TMPO: variants seen among roughly 807,000 people sequenced by gnomAD.
TMPO encodes the protein thymopoietin.
TMPO carries 22 observed loss-of-function variants against 45.4 expected under a neutral mutation model. The ratio of observed to expected loss-of-function variants is 0.48; its 90% CI spans 0.35 to 0.69. TMPO has a LOEUF of 0.69. TMPO is among the 30% of genes least tolerant of loss of function. TMPO has a pLI of 0.01. For synonymous variants in TMPO, 241 were observed against 204.1 expected (o/e 1.18, Z -1.54); for missense variants, 512 against 548.8 (o/e 0.93, Z 0.67).
chr12:98,525,637 A>T (rs2121158376), intron 1 of TMPO, among the ~76,000 whole-genome samples: 1 of 151,498 alleles, frequency 6.6e-6, no homozygotes, highest in South Asian at 2.1e-4. Flanking sequence ...GCTACTCAGG[A>T]GGCTGAGGCA....
At chr12:98,545,129 G>T (rs60129149) in intron 7 of TMPO, 68 bp downstream of exon 7, 15,965 of 645,738 alleles carry the variant, frequency 0.025, 76 homozygotes, top group African/African-American at 0.042. Flanking sequence ...ATATTTGTTT[G>T]TTTTTTTTTT....
rs374345638 is a variant in TMPO, at chr12:98,515,855, G to A, written c.-13G>A. 3.7e-6 allele frequency: 6 copies of A among 1,609,152 alleles called. No individual in the cohort carries two copies. In the African/African-American group the frequency reaches 8.0e-5, roughly 22 times the overall value. On this transcript the variant is annotated 5_prime_UTR_variant, in exon 1 of 9. Coordinates refer to ENST00000556029, the MANE Select transcript of TMPO (RefSeq NM_001032283.3). ...GCAAAGGCTGTGGGGAGGGGGCTTC[G>A]CAGATCCCCGAGATGCCGGAGTTCC...
chr12:98,520,824 G>A (rs555474711), intron 1 of TMPO, among the ~76,000 whole-genome samples: 23 of 151,252 alleles, frequency 1.5e-4, no homozygotes, highest in African/African-American at 4.9e-4. Context: ...TGCCCGCCTC[G>A]GCCTCCCAGA....
Position 98,548,087 on chromosome 12 carries a change from A to G in TMPO, c.*229A>G, listed in dbSNP as rs1341147369. 1 of 447,832 alleles carries G rather than the reference A, an allele frequency of 2.2e-6. No homozygotes were observed. The highest frequency in any genetic ancestry group is 3.9e-6 in the Non-Finnish European group (1 of 258,770). 27.7% of individuals were successfully genotyped at this position (447,832 alleles called of 1,614,324 possible). On this transcript the variant is annotated 3_prime_UTR_variant, in exon 9 of 9. Coordinates refer to ENST00000556029, the MANE Select transcript of TMPO (RefSeq NM_001032283.3). ...TTGTGCCATATGAATAATCTTTTTT[A>G]GCTCTGGAACTTTTTGTAGGCTTTA...
chr12:98,527,971 A>G lies in TMPO; in HGVS notation c.365A>G (p.Asp122Gly). 1 of 1,613,984 alleles carries G rather than the reference A, an allele frequency of 6.2e-7. No individual in the cohort carries two copies. The highest frequency in any genetic ancestry group is 8.5e-7 in the Non-Finnish European group (1 of 1,179,910). The change falls in exon 2 of 9, where the codon GAT (aspartate) becomes GGT (glycine). Residue 122 changes from aspartate (D) to glycine (G), a missense_variant. By Grantham distance (94) the Asp-to-Gly change is moderately conservative (BLOSUM62 -1). Transcript: ENST00000556029. ...VTELTNEDLL[D>G]QLVKYGVNPG... ...GAGCTCACTAATGAAGATCTTTTGG[A>G]TCAGCTTGTGAAATACGGAGTGAAT...
chr12:98,537,443 G>T, intron 3 of TMPO, 32 bp from the exon 4 acceptor site: 1 of 1,518,182 alleles, frequency 6.6e-7, no homozygotes. Flanking sequence ...GAGTGTTTCA[G>T]AGAGTAATGG....
chr12:98,523,844 T>A (rs538731416), intron 1 of TMPO, among the ~76,000 whole-genome samples: 1 of 152,032 alleles, frequency 6.6e-6, no homozygotes, highest in Non-Finnish European at 1.5e-5. Flanking sequence ...CCTGGCTAAT[T>A]TTTGTATTTT....
In TMPO at chr12:98,547,881, A is replaced by T; in HGVS notation, c.*23A>T. On this transcript the variant is annotated 3_prime_UTR_variant, in exon 9 of 9. Transcript: ENST00000556029. ...TGAATGGTATCTCTTTGGCACGTTC[A>T]ACTTGGTCTCCTATTTTCAATAACT... The T allele has an allele frequency of 6.2e-7, 1 of 1,612,680 alleles. No homozygotes were observed. The highest frequency in any genetic ancestry group is 8.5e-7 in the Non-Finnish European group (1 of 1,179,424).
At position 98,533,547 on chromosome 12, in the gene TMPO, T is replaced by C. The variant is rs374855899; in HGVS notation, c.565+1709T>C. 2.0e-5 allele frequency: 33 copies of C among 1,614,096 alleles called. No homozygotes were observed. Among genetic ancestry groups the C allele is most frequent in the African/African-American group, 1.1e-4 (8 of 74,954 alleles). ...TCCTGTCTCCTCCAAGAAAAGTCCC[T>C]AGACTGAGTGAGAAGTCAGTGGAGG... On this transcript the variant is annotated intron_variant, in intron 3 of 8. Transcript: ENST00000556029.
At chr12:98,537,289 A>G (rs1422251826) in intron 3 of TMPO, among the ~76,000 whole-genome samples, 186 bp from the exon 4 acceptor site, 1 of 152,208 alleles carries the variant, frequency 6.6e-6, no homozygotes, top group Admixed American at 6.5e-5. Context: ...CAAAAATGGG[A>G]TAAATAATGA....
intron 1 of TMPO, among the ~76,000 whole-genome samples, chr12:98,519,162 G>A (rs556600160): frequency 6.6e-6 from 1 of 152,096 alleles, no homozygotes; most frequent in African/African-American, 2.4e-5. Flanking sequence ...GATTACAGGC[G>A]TGAGCCACCG....
chr12:98,537,468 T>C lies in TMPO; in HGVS notation c.566-7T>C. On this transcript the variant is annotated splice_polypyrimidine_tract_variant and splice_region_variant and intron_variant, in intron 3 of 8. Transcript: ENST00000556029. Reference sequence around the variant, plus strand: ...GAGAGTAATGGTTTCTCCAATGTTATTTCCAGACTCTAAAATAGAGCTCAA... The same window carrying C: ...GAGAGTAATGGTTTCTCCAATGTTACTTCCAGACTCTAAAATAGAGCTCAA... The C allele has an allele frequency of 1.2e-6, 2 of 1,606,982 alleles. No individual in the cohort carries two copies. The highest frequency in any genetic ancestry group is 1.7e-6 in the Non-Finnish European group (2 of 1,174,252).
In TMPO at chr12:98,515,754, G is replaced by C. The variant is rs936097139; in HGVS notation, c.-114G>C. 38 of 1,541,130 alleles carry C rather than the reference G, an allele frequency of 2.5e-5. 1 individual carries two copies. The highest frequency in any genetic ancestry group is 4.4e-4 in the Middle Eastern group (2 of 4,590). ...TGTTCCGCTCCGCAGCGCTCTTCCC[G>C]GGCAGGAGCCGTGAGGCTCGGAGGC... On this transcript the variant is annotated 5_prime_UTR_variant, in exon 1 of 9. Coordinates refer to ENST00000556029, the MANE Select transcript of TMPO (RefSeq NM_001032283.3).
At position 98,547,575 on chromosome 12, in the gene TMPO, C is replaced by T. The variant is rs754589110; in HGVS notation, c.1082C>T (p.Ala361Val). The T allele has an allele frequency of 7.4e-6, 12 of 1,613,970 alleles. No homozygotes were observed. The South Asian group carries it at 1.3e-4, about 18-fold the overall frequency. The change falls in exon 9 of 9, where the codon GCT becomes GTT. Residue 361 changes from alanine to valine, a missense_variant and splice_region_variant. Ala to Val is a moderately conservative substitution (Grantham distance 64). This residue lies in a region of TMPO where 209 missense variants were observed against 235.1 expected (regional missense o/e 0.89). Coordinates refer to ENST00000556029, the MANE Select transcript of TMPO (RefSeq NM_001032283.3). ...YEASTPTGIS[A>V]SCRRPIKGAA... is the part of the protein sequence containing the mutation. Reference sequence around the variant, plus strand: ...TTTCCTCCTTTCACTCCCAACAGTGCTAGTTGCCGCAGACCAATCAAAGGG... The same window carrying T: ...TTTCCTCCTTTCACTCCCAACAGTGTTAGTTGCCGCAGACCAATCAAAGGG...
intron 1 of TMPO, chr12:98,516,397 GGTT>G (rs2121098722): frequency 1.7e-6 from 2 of 1,193,146 alleles, no homozygotes; most frequent in South Asian, 4.2e-5. Flanking sequence ...CGTTGGCGGC[GGTT>G]GTTTTGCACG....
chr12:98,516,351 G>T (rs1875817210), intron 1 of TMPO: 2 of 1,220,138 alleles, frequency 1.6e-6, no homozygotes, highest in Non-Finnish European at 2.0e-6. Context: ...CGGGGTTCGC[G>T]TTCTTTGACG....
At chr12:98,531,546 TA>T in intron 2 of TMPO, 133 bp from the exon 3 acceptor site, 1 of 952,122 alleles carries the variant, frequency 1.1e-6, no homozygotes, top group East Asian at 2.6e-5. Context: ...CATTATATGG[TA>T]TTTTTTTTTT....
chr12:98,522,491 T>C (rs571661017), intron 1 of TMPO, among the ~76,000 whole-genome samples: 1 of 152,340 alleles, frequency 6.6e-6, no homozygotes, highest in East Asian at 1.9e-4. Flanking sequence ...TGCCACTTAT[T>C]CATATGACAC....
chr12:98,538,420 C>A (rs1014809015), intron 4 of TMPO, among the ~76,000 whole-genome samples: 3 of 152,122 alleles, frequency 2.0e-5, no homozygotes, highest in African/African-American at 7.2e-5. Flanking sequence ...GGCGTGATCC[C>A]ATCTCATTGC....
Sources: gnomAD v4.1 joint callset for allele counts (sites outside exome capture counted in the v4.1 genomes callset) on GRCh38, gnomAD v4.1.1 for gene constraint, gnomAD v4.1.1 regional missense constraint, MANE v1.5 for transcripts, NCBI Gene and HGNC (gene_info 2026-07-23, HGNC 2026-07-21) for gene names.